The following RBM20 variants were observed in gnomAD, a reference collection of about 807,000 sequenced individuals.
RBM20 encodes RNA-binding protein 20.
RBM20 carries 51 observed loss-of-function variants against 110.1 expected under a neutral mutation model. The observed-to-expected ratio is 0.46, with a 90% CI of 0.37 to 0.59. The LOEUF (loss-of-function observed/expected upper bound fraction) is 0.59. Among genes scored for constraint, RBM20 ranks in the 20% least tolerant of loss-of-function variants. The pLI is 0.00. For synonymous variants in RBM20, 589 were observed against 618.2 expected, an observed-to-expected ratio of 0.95 and a Z score of 0.70; for missense variants, 1,512 against 1,574.9, an observed-to-expected ratio of 0.96 and a Z score of 0.68.
rs1371392411 is a variant in RBM20, at chr10:110,776,033, T to C, written c.192-4768T>C. Among the ~76,000 whole-genome samples, 3 of 152,320 alleles carry C rather than the reference T, an allele frequency of 2.0e-5. No homozygotes were observed. In the East Asian group the frequency reaches 5.8e-4, roughly 29 times the overall value. On this transcript the variant is annotated intron_variant, in intron 1 of 13. Transcript: ENST00000369519. ...TGGCATGACAGAGAATCATGCCTGA[T>C]AGCTCTAACAAAGTATCCGAGAGTG...
chr10:110,653,113 C>T lies in RBM20; in HGVS notation c.191+8468C>T, dbSNP rs528916598. On this transcript the variant is annotated intron_variant, in intron 1 of 13. Transcript: ENST00000369519. The stretch of plus-strand genomic sequence containing the variant: ...CCTACCTTCCTTTCATACCCAGAAA[C>T]GTCCTCTTAACACCTTCAAGCTGTG... 9.8e-5 allele frequency among the ~76,000 whole-genome samples: 15 copies of T among 152,298 alleles called. No individual in the cohort carries two copies. The South Asian group carries it at 2.9e-3, about 29-fold the overall frequency.
At chr10:110,737,621 C>T (rs201153519) in intron 1 of RBM20, among the ~76,000 whole-genome samples, 6 of 147,452 alleles carry the variant, frequency 4.1e-5, no homozygotes, top group Non-Finnish European at 7.5e-5. Context: ...ATTAGTTTGC[C>T]TTTTTTTTTT....
intron 1 of RBM20, among the ~76,000 whole-genome samples, chr10:110,670,641 C>T (rs1344989255): frequency 6.6e-6 from 1 of 152,128 alleles, no homozygotes; most frequent in Non-Finnish European, 1.5e-5. Flanking sequence ...GAGGGAGCCC[C>T]GCTCAGAGAA....
At chr10:110,787,456 A>T (rs977720227) in intron 5 of RBM20, among the ~76,000 whole-genome samples, 8 of 152,186 alleles carry the variant, frequency 5.3e-5, no homozygotes, top group Non-Finnish European at 7.4e-5. Context: ...TCGGGGGGAA[A>T]CCCATGCTGT....
intron 5 of RBM20, among the ~76,000 whole-genome samples, chr10:110,792,625 C>A (rs572117045): frequency 3.9e-5 from 6 of 152,334 alleles, no homozygotes; most frequent in African/African-American, 1.4e-4. Flanking sequence ...ACCCTGGTGC[C>A]TGGTGACTAT....
chr10:110,649,142 T>C (rs998732407), intron 1 of RBM20, among the ~76,000 whole-genome samples: 1 of 152,146 alleles, frequency 6.6e-6, no homozygotes, highest in African/African-American at 2.4e-5. Context: ...TTGCCAGTCC[T>C]AATAGTCACC....
intron 1 of RBM20, among the ~76,000 whole-genome samples, chr10:110,694,912 G>T (rs1053024987): frequency 6.6e-6 from 1 of 152,102 alleles, no homozygotes; most frequent in African/African-American, 2.4e-5. Context: ...AGTAAGTCAG[G>T]CTAGTGGCCT....
intron 1 of RBM20, among the ~76,000 whole-genome samples, chr10:110,733,486 G>A (rs1287246449): frequency 1.3e-5 from 2 of 152,226 alleles, no homozygotes; most frequent in African/African-American, 4.8e-5. Flanking sequence ...AATGATCTCT[G>A]GGTACACAGA....
intron 1 of RBM20, among the ~76,000 whole-genome samples, chr10:110,695,954 A>G (rs780877385): frequency 2.6e-5 from 4 of 152,214 alleles, no homozygotes; most frequent in Non-Finnish European, 4.4e-5. Flanking sequence ...GTTCTTCCTA[A>G]TAGTGGTCTT....
chr10:110,657,718 C>T (rs183368701), intron 1 of RBM20, among the ~76,000 whole-genome samples: 1 of 152,240 alleles, frequency 6.6e-6, no homozygotes, highest in East Asian at 1.9e-4. Context: ...ACTCTTTATC[C>T]ATCTGTTGAT....
At chr10:110,687,729 GGGAT>G (rs1862525199) in intron 1 of RBM20, among the ~76,000 whole-genome samples, 1 of 152,178 alleles carries the variant, frequency 6.6e-6, no homozygotes, top group African/African-American at 2.4e-5. Flanking sequence ...TGTGATACAG[GGGAT>G]GTGACTACAT....
chr10:110,734,774 T>G (rs527422864), intron 1 of RBM20, among the ~76,000 whole-genome samples: 3 of 146,816 alleles, frequency 2.0e-5, no homozygotes, highest in African/African-American at 7.6e-5. Flanking sequence ...TATTCTTTAT[T>G]TATATACAGT....
chr10:110,646,847 G>C (rs1861875734), intron 1 of RBM20, among the ~76,000 whole-genome samples: 3 of 152,236 alleles, frequency 2.0e-5, no homozygotes, highest in Admixed American at 2.0e-4. Flanking sequence ...TGCAAAACAA[G>C]TTGTCTGCCT....
At chr10:110,704,639 G>C (rs1035971250) in intron 1 of RBM20, among the ~76,000 whole-genome samples, 1 of 152,218 alleles carries the variant, frequency 6.6e-6, no homozygotes, top group Admixed American at 6.5e-5. Flanking sequence ...GAAAGGGAGA[G>C]GAGGGGATTC....
rs753041080 is a variant in RBM20, at chr10:110,727,412, TA to T, written c.192-53379del. 4.8e-4 allele frequency among the ~76,000 whole-genome samples: 33 copies of T among 68,960 alleles called. 1 individual carries two copies. The highest frequency in any genetic ancestry group is 1.0e-3 in the African/African-American group (18 of 17,734). 45.2% of individuals were successfully genotyped at this position (68,960 alleles called of 152,430 possible). ...AAAAGTCCGTCTCAAAAAATAAAAA[TA>T]AAAAAAAAATAAATAAAAAGTCCAT... On this transcript the variant is annotated intron_variant, in intron 1 of 13. Coordinates refer to ENST00000369519, the MANE Select transcript of RBM20 (RefSeq NM_001134363.3).
intron 1 of RBM20, among the ~76,000 whole-genome samples, chr10:110,766,237 T>C: frequency 6.6e-6 from 1 of 152,236 alleles, no homozygotes; most frequent in East Asian, 1.9e-4. Flanking sequence ...GAATGGCACA[T>C]GCAAATGTGA....
rs80291514 is a variant in RBM20, at chr10:110,740,628, A to T, written c.192-40173A>T. Among the ~76,000 whole-genome samples, 637 of 152,210 alleles carry T rather than the reference A, an allele frequency of 4.2e-3. 5 individuals carry two copies. Among genetic ancestry groups the T allele is most frequent in the African/African-American group, 0.014 (593 of 41,536 alleles). On this transcript the variant is annotated intron_variant, in intron 1 of 13. Coordinates refer to ENST00000369519, the MANE Select transcript of RBM20 (RefSeq NM_001134363.3). Reference sequence around the variant, plus strand: ...CACCAGGGCTTGGTAGGGGTGGGGAAAGCAAGTTTATGGCCACCTTGATGT... The same window carrying T: ...CACCAGGGCTTGGTAGGGGTGGGGATAGCAAGTTTATGGCCACCTTGATGT...
At position 110,784,367 on chromosome 10, in the gene RBM20, C is replaced by T. The variant is rs189569984; in HGVS notation, c.1364C>T (p.Ser455Leu). The T allele has an allele frequency of 7.0e-3, 10,905 of 1,551,030 alleles. 58 individuals are homozygous for T. The highest frequency in any genetic ancestry group is 8.1e-3 in the Non-Finnish European group (9,298 of 1,146,752). ...ENAGIRCILG[S>L]AEGTLCASPN... ...GCTGGCATCCGGTGTATACTTGGTT[C>T]GGCAGAGGGAACATTGTGTGCTTCT... The change falls in exon 4 of 14, where the codon TCG becomes TTG. Residue 455 changes from serine to leucine, a missense_variant. Coordinates refer to ENST00000369519, the MANE Select transcript of RBM20 (RefSeq NM_001134363.3).
chr10:110,763,680 C>T (rs1844037812), intron 1 of RBM20, among the ~76,000 whole-genome samples: 2 of 149,404 alleles, frequency 1.3e-5, no homozygotes, highest in Non-Finnish European at 3.0e-5. Flanking sequence ...AGTTACATTT[C>T]TAAGTAATCA....
Sources: allele counts gnomAD v4.1 joint callset (sites outside exome capture counted in the v4.1 genomes callset), GRCh38; gene constraint gnomAD v4.1.1; transcripts MANE v1.5; gene names NCBI Gene and HGNC (gene_info 2026-07-23, HGNC 2026-07-21).